LUC7L: variants seen among roughly 807,000 people sequenced by gnomAD.
LUC7L encodes the protein LUC7 like, also known as putative RNA-binding protein Luc7-like 1.
In LUC7L, 29 loss-of-function variants were observed where a neutral mutation model predicts 51.1. That is an observed-to-expected ratio of 0.57 (90% confidence interval 0.42 to 0.77). The LOEUF is 0.77. Ranked by LOEUF, LUC7L falls within the 30% of genes least tolerant of loss-of-function variation. The pLI is 0.00. For synonymous variants in LUC7L, 181 were observed against 180.7 expected, an observed-to-expected ratio of 1.00 and a Z score of -0.01; for missense variants, 403 against 511.9, an observed-to-expected ratio of 0.79 and a Z score of 2.05.
At chr16:195,156 G>C (rs1009123743) in intron 6 of LUC7L, among the ~76,000 whole-genome samples, 2 of 152,070 alleles carry the variant, frequency 1.3e-5, no homozygotes, top group Admixed American at 1.3e-4. Flanking sequence ...AGCCAGGTAC[G>C]GTGGCTCATG....
chr16:200,048 C>G lies in LUC7L; in HGVS notation c.511-810G>C, dbSNP rs144817493. ...GCTCACGCCTGTAATCCCAGCATTCCGAGGCCAAGGCAGACAGATCACTTG... is the reference window on the plus strand; with the variant it reads ...GCTCACGCCTGTAATCCCAGCATTCGGAGGCCAAGGCAGACAGATCACTTG... On this transcript the variant is annotated intron_variant, in intron 5 of 9. Transcript: ENST00000293872. 1.6e-3 allele frequency among the ~76,000 whole-genome samples: 249 copies of G among 151,780 alleles called. 1 individual carries two copies. The highest frequency in any genetic ancestry group is 5.8e-3 in the African/African-American group (241 of 41,402).
intron 3 of LUC7L, among the ~76,000 whole-genome samples, chr16:216,501 G>A (rs532995152): frequency 1.3e-4 from 20 of 149,540 alleles, no homozygotes; most frequent in African/African-American, 3.9e-4. Context: ...TCCTGCCTCA[G>A]CCTCCCAAGT....
At chr16:205,221 C>CATGG (rs1318455472) in intron 5 of LUC7L, among the ~76,000 whole-genome samples, 3 of 152,094 alleles carry the variant, frequency 2.0e-5, no homozygotes, top group Non-Finnish European at 4.4e-5. Context: ...CTATGTTATC[C>CATGG]AGGCTGGACT....
At chr16:201,641 A>G (rs538462549) in intron 5 of LUC7L, among the ~76,000 whole-genome samples, 145 of 150,546 alleles carry the variant, frequency 9.6e-4, no homozygotes, top group African/African-American at 3.4e-3. Flanking sequence ...GAGTATCACC[A>G]TGTTAGCCAG....
intron 7 of LUC7L, among the ~76,000 whole-genome samples, chr16:191,671 C>T (rs1042597200): frequency 1.3e-5 from 2 of 152,082 alleles, no homozygotes; most frequent in East Asian, 3.9e-4. Context: ...ATGGTGAAAC[C>T]CTGTCTCTAT....
intron 5 of LUC7L, 139 bp from the exon 6 acceptor site, chr16:199,377 G>C (rs2049253698): frequency 3.2e-6 from 2 of 618,038 alleles, no homozygotes; most frequent in South Asian, 4.4e-5. Flanking sequence ...CAAAACTTCA[G>C]ATATTTATAA....
intron 9 of LUC7L, 77 bp downstream of exon 9, chr16:189,891 C>G: frequency 6.5e-7 from 1 of 1,545,098 alleles, no homozygotes; most frequent in Non-Finnish European, 8.8e-7. Context: ...CCACCAGACA[C>G]GGCCCTCAGC....
Position 190,588 on chromosome 16 carries a change from A to T in LUC7L, c.777-18T>A. 6.2e-7 allele frequency: 1 copy of T among 1,612,016 alleles called. No individual in the cohort carries two copies. Among genetic ancestry groups the T allele is most frequent in the Non-Finnish European group, 8.5e-7 (1 of 1,179,458 alleles). ...ATCCCGACCTAAAAGGGGGAAAAAA[A>T]GATGAACAAGGCCAGGCATGGTGGC... On this transcript the variant is annotated intron_variant, in intron 7 of 9. Coordinates refer to ENST00000293872, the MANE Select transcript of LUC7L (RefSeq NM_201412.3).
chr16:226,815 C>T (rs778684899), intron 2 of LUC7L, among the ~76,000 whole-genome samples: 25 of 152,194 alleles, frequency 1.6e-4, no homozygotes, highest in Admixed American at 2.6e-4. Flanking sequence ...ACTTTACAGA[C>T]AGAATTTTAC....
intron 3 of LUC7L, among the ~76,000 whole-genome samples, chr16:219,620 C>G (rs1440262101): frequency 6.6e-6 from 1 of 151,926 alleles, no homozygotes; most frequent in Non-Finnish European, 1.5e-5. Flanking sequence ...AACCTGTAAT[C>G]CCAGCACTTT....
At position 220,753 on chromosome 16, in the gene LUC7L, G is replaced by A. The variant is rs2049942628; in HGVS notation, c.157-6C>T. The A allele has an allele frequency of 6.2e-7, 1 of 1,608,806 alleles. No homozygotes were observed. Among genetic ancestry groups the A allele is most frequent in the Non-Finnish European group, 8.5e-7 (1 of 1,175,882 alleles). ...CATTCTCCTAAATCCATGCGCTGTGGGAAAGAAACAGAAAATGCAGACCTC... is the reference window on the plus strand; with the variant it reads ...CATTCTCCTAAATCCATGCGCTGTGAGAAAGAAACAGAAAATGCAGACCTC... On this transcript the variant is annotated splice_polypyrimidine_tract_variant and splice_region_variant and intron_variant, in intron 2 of 9. Coordinates refer to ENST00000293872, the MANE Select transcript of LUC7L (RefSeq NM_201412.3).
In LUC7L at chr16:189,092, T is replaced by G. The variant is rs181010223; in HGVS notation, c.*106A>C. 1 of 1,280,804 alleles carries G rather than the reference T, an allele frequency of 7.8e-7. No individual in the cohort carries two copies. Among genetic ancestry groups the G allele is most frequent in the Non-Finnish European group, 1.1e-6 (1 of 922,448 alleles). The allele number at this position is 1,280,804 out of a possible 1,614,324, so 79.3% of individuals were successfully genotyped here. On this transcript the variant is annotated 3_prime_UTR_variant, in exon 10 of 10. Coordinates refer to ENST00000293872, the MANE Select transcript of LUC7L (RefSeq NM_201412.3). ...AAACTCACAGCTAGCTCCAAAACAA[T>G]AGAAATTTTAAACTACAAAAGATGA...
chr16:212,808 TGCTCTGTCACCCAG>T (rs2049682479), intron 3 of LUC7L, among the ~76,000 whole-genome samples: 1 of 151,902 alleles, frequency 6.6e-6, no homozygotes, highest in South Asian at 2.1e-4. Flanking sequence ...GAGAGGATCT[TGCTCTGTCACCCAG>T]GCTAGAATAC....
At chr16:214,494 CTCATAAACAATTTTG>C (rs751500732) in intron 3 of LUC7L, among the ~76,000 whole-genome samples, 2 of 152,182 alleles carry the variant, frequency 1.3e-5, no homozygotes, top group Admixed American at 6.6e-5. Flanking sequence ...AAATTTCAAT[CTCATAAACAATTTTG>C]TCATAAGTAT....
Position 229,271 on chromosome 16 carries a change from T to C in LUC7L, c.61+8A>G. 3.3e-6 allele frequency: 5 copies of C among 1,535,666 alleles called. No homozygotes were observed. Among genetic ancestry groups the C allele is most frequent in the South Asian group, 1.2e-5 (1 of 83,798 alleles). On this transcript the variant is annotated splice_region_variant and intron_variant, in intron 1 of 9. Transcript: ENST00000293872. ...CAGACCCTCGCCTGGTTGGCCGCTC[T>C]GACTCACCGTCCCGAGCCGTGCCCA...
chr16:228,090 G>C (rs2050174677), intron 1 of LUC7L: 1 of 1,149,166 alleles, frequency 8.7e-7, no homozygotes, highest in Non-Finnish European at 1.1e-6. Context: ...GGAAGTCGGG[G>C]GAATGATACA....
At chr16:197,207 CTTT>C (rs754309530) in intron 6 of LUC7L, among the ~76,000 whole-genome samples, 17 of 80,372 alleles carry the variant, frequency 2.1e-4, no homozygotes, top group Admixed American at 4.9e-4. Flanking sequence ...TGCACCCAGC[CTTT>C]TTTTTTTTTT....
At chr16:191,473 C>CA (rs1213153373) in intron 7 of LUC7L, among the ~76,000 whole-genome samples, 3 of 151,804 alleles carry the variant, frequency 2.0e-5, no homozygotes, top group African/African-American at 7.3e-5. Flanking sequence ...AAACTCCATG[C>CA]AAAAAATGGA....
intron 1 of LUC7L, chr16:228,726 A>AG: frequency 8.1e-7 from 1 of 1,231,194 alleles, no homozygotes; most frequent in Non-Finnish European, 1.0e-6. Context: ...CGCTGGCTAC[A>AG]CAGAGGCTCT....
Sources: allele counts gnomAD v4.1 joint callset (sites outside exome capture counted in the v4.1 genomes callset), GRCh38; gene constraint gnomAD v4.1.1; transcripts MANE v1.5; gene names NCBI Gene and HGNC (gene_info 2026-07-23, HGNC 2026-07-21).